The following BICD1 variants were observed in gnomAD, a reference collection of about 807,000 sequenced individuals.
BICD1 encodes the protein BICD cargo adaptor 1.
BICD1 carries 35 observed loss-of-function variants against 92.5 expected under a neutral mutation model. The ratio of observed to expected loss-of-function variants is 0.38; its 90% CI spans 0.29 to 0.50. The LOEUF is 0.50. Among genes scored for constraint, BICD1 ranks in the 20% least tolerant of loss-of-function variants. BICD1 has a pLI of 0.93. For synonymous variants in BICD1, 429 were observed against 465.1 expected, an observed-to-expected ratio of 0.92 and a Z score of 1.00; for missense variants, 950 against 1,189.8, an observed-to-expected ratio of 0.80 and a Z score of 2.97.
intron 1 of BICD1, among the ~76,000 whole-genome samples, chr12:32,201,572 G>A (rs1944906838): frequency 6.6e-6 from 1 of 152,094 alleles, no homozygotes; most frequent in African/African-American, 2.4e-5. Context: ...GAAATGTAAT[G>A]TGAAATGTAT....
intron 9 of BICD1, among the ~76,000 whole-genome samples, chr12:32,370,188 G>A (rs1939679779): frequency 1.3e-5 from 2 of 152,018 alleles, no homozygotes; most frequent in South Asian, 4.2e-4. Flanking sequence ...CCAACATGGT[G>A]AAACCCCGTC....
intron 2 of BICD1, among the ~76,000 whole-genome samples, chr12:32,266,523 G>T (rs188024592): frequency 1.3e-5 from 2 of 151,966 alleles, no homozygotes; most frequent in Non-Finnish European, 2.9e-5. Context: ...ATCTTAAACC[G>T]CATCATCTAA....
intron 5 of BICD1, among the ~76,000 whole-genome samples, chr12:32,330,451 C>T (rs998257253): frequency 3.3e-5 from 5 of 151,252 alleles, no homozygotes; most frequent in African/African-American, 1.2e-4. Context: ...AGAGGGATAG[C>T]ATTAGGAGAT....
intron 8 of BICD1, chr12:32,339,558 A>C (rs1275840408): frequency 2.0e-6 from 2 of 985,304 alleles, no homozygotes; most frequent in Non-Finnish European, 2.4e-6. Flanking sequence ...GTTCACACTT[A>C]GCTTCACTAT....
intron 4 of BICD1, among the ~76,000 whole-genome samples, chr12:32,326,199 A>G (rs1031713688): frequency 4.6e-5 from 7 of 152,022 alleles, no homozygotes; most frequent in African/African-American, 1.7e-4. Context: ...TTTTAAAAAG[A>G]AGAAGAAAGA....
intron 2 of BICD1, among the ~76,000 whole-genome samples, chr12:32,269,962 C>G (rs150189807): frequency 6.6e-6 from 1 of 151,382 alleles, no homozygotes; most frequent in Non-Finnish European, 1.5e-5. Flanking sequence ...TCTCTACTAA[C>G]AATAAAAAAA....
chr12:32,331,186 C>T (rs1163090745), intron 5 of BICD1, among the ~76,000 whole-genome samples: 1 of 151,662 alleles, frequency 6.6e-6, no homozygotes, highest in African/African-American at 2.4e-5. Context: ...TAGATAAGGA[C>T]ACTTGGCCAA....
intron 6 of BICD1, among the ~76,000 whole-genome samples, chr12:32,335,518 A>G (rs530339098): frequency 2.9e-4 from 44 of 150,300 alleles, no homozygotes; most frequent in African/African-American, 8.3e-4. Flanking sequence ...GAATCTTGAG[A>G]TTTTCAATAT....
In BICD1 at chr12:32,338,965, C is replaced by A. The variant is rs752521721; in HGVS notation, c.2750C>A (p.Thr917Asn). 6.3e-7 allele frequency: 1 copy of A among 1,594,686 alleles called. No individual in the cohort carries two copies. The highest frequency in any genetic ancestry group is 8.5e-7 in the Non-Finnish European group (1 of 1,173,416). Residue 917 changes from threonine (T) to asparagine (N), a missense_variant, in exon 8 of 10, where the codon ACC becomes AAC. This residue lies in a region of BICD1 where 179 missense variants were observed against 186.7 expected (regional missense o/e 0.96). Coordinates refer to ENST00000652176, the MANE Select transcript of BICD1 (RefSeq NM_001714.4). ...CGGCTCAGCAAGGAAAAAAGGTTAA[C>A]CGTGGCTCCACCAGGTAAACATTTT... ...GHRLSKEKRL[T>N]VAPPDCQQPA...
intron 2 of BICD1, among the ~76,000 whole-genome samples, chr12:32,281,398 C>A (rs1490908905): frequency 2.0e-5 from 3 of 152,156 alleles, no homozygotes; most frequent in African/African-American, 7.2e-5. Flanking sequence ...TACTGCCCAA[C>A]AGAGAATTGG....
At chr12:32,344,240 C>T (rs972858028) in intron 8 of BICD1, among the ~76,000 whole-genome samples, 10 of 152,082 alleles carry the variant, frequency 6.6e-5, no homozygotes, top group African/African-American at 1.9e-4. Context: ...AAGGTGGCAG[C>T]GCAGGTATGG....
chr12:32,349,585 A>G (rs749633459), intron 8 of BICD1, among the ~76,000 whole-genome samples: 1 of 152,124 alleles, frequency 6.6e-6, no homozygotes, highest in Non-Finnish European at 1.5e-5. Context: ...TGTAAAATCT[A>G]CGCTTCTAAA....
Position 32,383,151 on chromosome 12 carries a change from T to C in BICD1, c.*5524T>C, listed in dbSNP as rs1327467839. ...GGCCAACTCTGATTTGTACACCGTA[T>C]TATTGTTGTAATGATTCAACTGTTC... On this transcript the variant is annotated 3_prime_UTR_variant, in exon 10 of 10. Coordinates refer to ENST00000652176, the MANE Select transcript of BICD1 (RefSeq NM_001714.4). 1 of 152,164 alleles carries C rather than the reference T, an allele frequency of 6.6e-6. No homozygotes were observed. Among genetic ancestry groups the C allele is most frequent in the East Asian group, 1.9e-4 (1 of 5,202 alleles). The allele number at this position is 152,164 out of a possible 1,614,324, so 9.4% of individuals were successfully genotyped here.
At chr12:32,208,074 TTA>T (rs1472875306) in intron 1 of BICD1, among the ~76,000 whole-genome samples, 7 of 152,188 alleles carry the variant, frequency 4.6e-5, no homozygotes, top group Non-Finnish European at 1.0e-4. Context: ...GGTACGAATT[TTA>T]TATCTCTTAT....
At chr12:32,293,743 G>A (rs1156511663) in intron 2 of BICD1, among the ~76,000 whole-genome samples, 1 of 152,128 alleles carries the variant, frequency 6.6e-6, no homozygotes, top group Admixed American at 6.6e-5. Context: ...AGTATACATG[G>A]ATTTGTTTCT....
At chr12:32,161,400 T>A (rs944411765) in intron 1 of BICD1, among the ~76,000 whole-genome samples, 1 of 152,266 alleles carries the variant, frequency 6.6e-6, no homozygotes, top group Non-Finnish European at 1.5e-5. Flanking sequence ...TTTTTCTTCA[T>A]CTTTAGGAGA....
intron 1 of BICD1, among the ~76,000 whole-genome samples, chr12:32,208,903 C>A (rs55723520): frequency 2.2e-3 from 333 of 152,136 alleles, no homozygotes; most frequent in African/African-American, 7.7e-3. Context: ...CAGCTCACTG[C>A]AACCCTGCCT....
chr12:32,245,827 C>T lies in BICD1; in HGVS notation c.426+29368C>T, dbSNP rs572572180. ...GGCGGATTGTCTGAGGTCAGGAGTT[C>T]GAGACCAGTCTGGCCAACATAGTGA... On this transcript the variant is annotated intron_variant, in intron 2 of 9. Transcript: ENST00000652176. Among the ~76,000 whole-genome samples the T allele has an allele frequency of 1.5e-4, 22 of 150,884 alleles. No individual in the cohort carries two copies. The East Asian group carries it at 3.2e-3, about 22-fold the overall frequency.
At chr12:32,139,484 T>C (rs941881550) in intron 1 of BICD1, among the ~76,000 whole-genome samples, 1 of 152,226 alleles carries the variant, frequency 6.6e-6, no homozygotes, top group Non-Finnish European at 1.5e-5. Flanking sequence ...CCCTTACACG[T>C]CGCTCAGTAA....
Sources: gnomAD v4.1 joint callset for allele counts (sites outside exome capture counted in the v4.1 genomes callset) on GRCh38, gnomAD v4.1.1 for gene constraint, gnomAD v4.1.1 regional missense constraint, MANE v1.5 for transcripts, NCBI Gene and HGNC (gene_info 2026-07-23, HGNC 2026-07-21) for gene names.